Variants in OVCH1 observed in about 807,000 individuals in gnomAD.
OVCH1 encodes the protein ovochymase 1, also known as ovochymase-1.
In OVCH1, 139 loss-of-function variants were observed where a neutral mutation model predicts 138.4. That is an observed-to-expected ratio of 1.00 (90% confidence interval 0.87 to 1.16). OVCH1 has a LOEUF of 1.16. OVCH1 is among the 50% of genes most tolerant of loss of function. The probability of loss-of-function intolerance (pLI) is 0.00; values close to 1 mark genes in which losing one functional copy is unlikely to be tolerated. For synonymous variants in OVCH1, 453 were observed against 467.8 expected (o/e 0.97, Z 0.41); for missense variants, 1,367 against 1,357.9 (o/e 1.01, Z -0.11).
intron 3 of OVCH1, among the ~76,000 whole-genome samples, chr12:29,418,453 A>T (rs551643499): frequency 1.3e-5 from 2 of 152,384 alleles, no homozygotes; most frequent in South Asian, 2.1e-4. Context: ...GTTTATACAG[A>T]TACTTCAACT....
rs528250031 is a variant in OVCH1, at chr12:29,486,172, T to C, written c.995+74A>G. On this transcript the variant is annotated intron_variant, in intron 8 of 27. Coordinates refer to ENST00000318184, the Ensembl canonical transcript of OVCH1. ...TTAAATAAAACTCAGATTGTGAATA[T>C]GGTACAATCCTCCTGTTTGCTTTCC... The C allele has an allele frequency of 2.4e-5, 32 of 1,307,492 alleles. No homozygotes were observed. The African/African-American group carries it at 4.5e-4, about 18-fold the overall frequency. The allele number at this position is 1,307,492 out of a possible 1,614,324, so 81.0% of individuals were successfully genotyped here.
chr12:29,439,467 C>T, intron 25 of OVCH1: 2 of 1,344,108 alleles, frequency 1.5e-6, no homozygotes, highest in Non-Finnish European at 1.9e-6. Context: ...AACAAACAAA[C>T]AAACAAAAAA....
chr12:29,486,103 A>T (rs1300967668), intron 8 of OVCH1, 147 bp downstream of exon 8: 3 of 709,390 alleles, frequency 4.2e-6, no homozygotes, highest in Non-Finnish European at 4.5e-6. Context: ...GTTGGAGCCT[A>T]TGTATGAATA....
At chr12:29,422,099 G>C (rs1941112750) in intron 3 of OVCH1, among the ~76,000 whole-genome samples, 1 of 152,100 alleles carries the variant, frequency 6.6e-6, no homozygotes, top group South Asian at 2.1e-4. Flanking sequence ...GTTTAAGGGT[G>C]GATTTTAATC....
chr12:29,482,719 C>G (rs146762228), intron 8 of OVCH1, among the ~76,000 whole-genome samples: 1 of 152,172 alleles, frequency 6.6e-6, no homozygotes, highest in African/African-American at 2.4e-5. Context: ...TTTCTATATG[C>G]GATGGCATTT....
chr12:29,486,414 A>G (rs1943108869), intron 7 of OVCH1, 66 bp from the exon 8 acceptor site: 2 of 1,252,612 alleles, frequency 1.6e-6, no homozygotes, highest in South Asian at 2.7e-5. Flanking sequence ...CATTTTTAAC[A>G]ATGTGAAGTT....
At chr12:29,481,466 A>T (rs1942931509) in intron 8 of OVCH1, among the ~76,000 whole-genome samples, 1 of 152,156 alleles carries the variant, frequency 6.6e-6, no homozygotes, top group Non-Finnish European at 1.5e-5. Flanking sequence ...TTATATCTTA[A>T]CTATTTTATC....
intron 22 of OVCH1, among the ~76,000 whole-genome samples, chr12:29,447,930 A>G (rs1646239362): frequency 6.6e-6 from 1 of 151,916 alleles, no homozygotes; most frequent in African/African-American, 2.4e-5. Flanking sequence ...CAAACAGGCA[A>G]AAATTCCAGC....
In OVCH1 at chr12:29,466,186, T is replaced by G. The variant is rs998050394; in HGVS notation, c.1857-967A>C. On this transcript the variant is annotated intron_variant, in intron 16 of 27. Coordinates refer to ENST00000318184, the Ensembl canonical transcript of OVCH1. ...GGGTGCAGCACACCAACATGGCACA[T>G]GTATGCATATGTAACAAACCTGCAC... 2.6e-5 allele frequency among the ~76,000 whole-genome samples: 4 copies of G among 151,872 alleles called. No individual in the cohort carries two copies. In the East Asian group the frequency reaches 7.7e-4, roughly 29 times the overall value.
At chr12:29,473,596 A>C (rs767455651) in intron 14 of OVCH1, among the ~76,000 whole-genome samples, 10 of 152,120 alleles carry the variant, frequency 6.6e-5, no homozygotes, top group African/African-American at 2.4e-4. Flanking sequence ...TGATTTTAAG[A>C]GTCAATACAG....
At position 29,491,963 on chromosome 12, in the gene OVCH1, T is replaced by C. The variant is rs1052211201; in HGVS notation, c.455-771A>G. Among the ~76,000 whole-genome samples the C allele has an allele frequency of 2.0e-5, 3 of 152,296 alleles. No individual in the cohort carries two copies. In the East Asian group the frequency reaches 5.8e-4, roughly 29 times the overall value. Reference sequence around the variant, plus strand: ...GAACAGAAAGAAAAATATCTCTGTCTTGGTAGAACCTCATGAGTGTATATA... The same window carrying C: ...GAACAGAAAGAAAAATATCTCTGTCCTGGTAGAACCTCATGAGTGTATATA... On this transcript the variant is annotated intron_variant, in intron 4 of 27. Coordinates refer to ENST00000318184, the Ensembl canonical transcript of OVCH1.
intron 15 of OVCH1, 118 bp downstream of exon 15, chr12:29,472,911 G>A: frequency 1.2e-6 from 1 of 833,094 alleles, no homozygotes; most frequent in Non-Finnish European, 1.9e-6. Context: ...CTAAATATAA[G>A]ACTCATTCTT....
chr12:29,417,558 A>G (rs1210384271), intron 3 of OVCH1, among the ~76,000 whole-genome samples: 1 of 151,892 alleles, frequency 6.6e-6, no homozygotes, highest in Admixed American at 6.6e-5. Context: ...CCTATAAGAT[A>G]TTATCAGTGG....
exon 20 of OVCH1, chr12:29,455,271 G>T: frequency 6.2e-7 from 1 of 1,613,438 alleles, no homozygotes; most frequent in South Asian, 1.1e-5. Flanking sequence ...ATTGGATCCA[G>T]TCCAAGAAGA....
the OVCH1 span, among the ~76,000 whole-genome samples, chr12:29,403,268 C>A: frequency 1.3e-5 from 2 of 152,086 alleles, no homozygotes; most frequent in Non-Finnish European, 2.9e-5. Context: ...ATAATTTAAT[C>A]ACAATATTGA....
chr12:29,420,485 T>C (rs1489808808), intron 3 of OVCH1, among the ~76,000 whole-genome samples: 1 of 2,670 alleles, frequency 3.7e-4, no homozygotes, highest in African/African-American at 5.6e-4. Flanking sequence ...AAAAGCAGCT[T>C]TTTTTTTTTT....
chr12:29,426,409 G>A (rs1464833548), downstream of OVCH1, among the ~76,000 whole-genome samples: 1 of 152,102 alleles, frequency 6.6e-6, no homozygotes, highest in Admixed American at 6.5e-5. Context: ...GAAGATAGAC[G>A]ATGTAGGAGA....
At chr12:29,428,744 AG>A (rs1486352364) in intron 27 of OVCH1, among the ~76,000 whole-genome samples, 1 of 152,214 alleles carries the variant, frequency 6.6e-6, no homozygotes, top group Non-Finnish European at 1.5e-5. Flanking sequence ...GGAAAAAGAA[AG>A]CATCAAAATC....
intron 27 of OVCH1, among the ~76,000 whole-genome samples, chr12:29,431,127 A>T (rs1465269135): frequency 6.6e-6 from 1 of 152,220 alleles, no homozygotes; most frequent in Non-Finnish European, 1.5e-5. Context: ...TTTCAAAAAT[A>T]GAGTCCAAAG....
Sources: gnomAD v4.1 joint callset for allele counts (sites outside exome capture counted in the v4.1 genomes callset) on GRCh38, gnomAD v4.1.1 for gene constraint, MANE v1.5 for transcripts, NCBI Gene and HGNC (gene_info 2026-07-23, HGNC 2026-07-21) for gene names.